Variants in EIPR1 observed in about 807,000 individuals in gnomAD.
EIPR1 encodes the protein EARP and GARP complex-interacting protein 1.
A neutral mutation model predicts 48.1 loss-of-function variants in EIPR1; 25 were observed. The ratio of observed to expected loss-of-function variants is 0.52; its 90% CI spans 0.38 to 0.73. The LOEUF (loss-of-function observed/expected upper bound fraction) is 0.73. Among genes scored for constraint, EIPR1 ranks in the 30% least tolerant of loss-of-function variants. EIPR1 has a pLI of 0.00. For missense variants in EIPR1, 415 were observed against 506.2 expected, an observed-to-expected ratio of 0.82 and a Z score of 1.73; for synonymous variants, 204 against 201.9, an observed-to-expected ratio of 1.01 and a Z score of -0.09.
At chr2:3,234,790 G>C (rs143188589) in intron 4 of EIPR1, among the ~76,000 whole-genome samples, 79 of 152,306 alleles carry the variant, frequency 5.2e-4, no homozygotes, top group African/African-American at 1.8e-3. Flanking sequence ...CTCCTACTTT[G>C]CACAAGAGAC....
chr2:3,283,712 G>A (rs1321948658), intron 3 of EIPR1, among the ~76,000 whole-genome samples: 1 of 152,192 alleles, frequency 6.6e-6, no homozygotes, highest in Non-Finnish European at 1.5e-5. Context: ...GGGAGGCCAA[G>A]GCAGGTGGAT....
chr2:3,233,537 G>T (rs539711673), intron 4 of EIPR1, among the ~76,000 whole-genome samples: 1 of 152,154 alleles, frequency 6.6e-6, no homozygotes, highest in African/African-American at 2.4e-5. Flanking sequence ...GATCCCAGCC[G>T]TAACTGTGAT....
chr2:3,342,592 C>A (rs897474693), intron 2 of EIPR1, among the ~76,000 whole-genome samples: 1 of 152,236 alleles, frequency 6.6e-6, no homozygotes, highest in Non-Finnish European at 1.5e-5. Context: ...CCACCTGGGC[C>A]CGCCTTTCTT....
intron 4 of EIPR1, among the ~76,000 whole-genome samples, chr2:3,233,969 T>A (rs1666321457): frequency 1.3e-5 from 2 of 152,226 alleles, no homozygotes; most frequent in South Asian, 4.1e-4. Context: ...CAGGTCAGGC[T>A]TCTGAGCTAC....
intron 3 of EIPR1, among the ~76,000 whole-genome samples, chr2:3,317,651 C>G (rs1669353239): frequency 6.6e-6 from 1 of 152,232 alleles, no homozygotes; most frequent in South Asian, 2.1e-4. Context: ...ATTCCCCCGC[C>G]TAATTCATAC....
intron 3 of EIPR1, among the ~76,000 whole-genome samples, chr2:3,277,578 G>GTGGGAA (rs1667892013): frequency 6.6e-6 from 1 of 152,188 alleles, no homozygotes; most frequent in Admixed American, 6.5e-5. Flanking sequence ...ACCCCAGGCC[G>GTGGGAA]TGGGAACTAC....
chr2:3,277,473 G>A (rs1026629801), intron 3 of EIPR1, among the ~76,000 whole-genome samples: 2 of 152,210 alleles, frequency 1.3e-5, no homozygotes, highest in African/African-American at 4.8e-5. Context: ...CCAGGTGATG[G>A]GTGGCAAGAC....
intron 3 of EIPR1, among the ~76,000 whole-genome samples, chr2:3,304,497 A>G (rs796691233): frequency 0.35 from 3,247 of 9,210 alleles, 1,333 homozygotes; most frequent in East Asian, 0.45. Context: ...CTCCAGTCCC[A>G]TCAGTTCAGC....
chr2:3,237,036 G>A (rs1008294504), intron 4 of EIPR1, among the ~76,000 whole-genome samples: 3 of 152,148 alleles, frequency 2.0e-5, no homozygotes, highest in African/African-American at 7.2e-5. Flanking sequence ...GGTGGCTGCA[G>A]CAGCCGCCAC....
intron 1 of EIPR1, among the ~76,000 whole-genome samples, chr2:3,360,042 G>A (rs767566295): frequency 2.6e-5 from 4 of 152,138 alleles, no homozygotes; most frequent in Admixed American, 6.5e-5. Flanking sequence ...GGCACATTTG[G>A]TAGAAGCTGG....
chr2:3,195,656 G>A (rs1222184102), intron 6 of EIPR1, among the ~76,000 whole-genome samples: 1 of 152,124 alleles, frequency 6.6e-6, no homozygotes, highest in Non-Finnish European at 1.5e-5. Context: ...GCACGTGCAC[G>A]ATGTATTAAC....
intron 3 of EIPR1, among the ~76,000 whole-genome samples, chr2:3,266,224 G>A (rs916964955): frequency 6.6e-6 from 1 of 152,208 alleles, no homozygotes. Context: ...GACATAATCT[G>A]ATCCCCAGCT....
At chr2:3,366,619 T>C (rs922347319) in intron 1 of EIPR1, among the ~76,000 whole-genome samples, 1 of 152,196 alleles carries the variant, frequency 6.6e-6, no homozygotes, top group African/African-American at 2.4e-5. Flanking sequence ...AAAATCCATG[T>C]GTTTAAAATG....
chr2:3,198,396 A>G (rs1490439421), intron 5 of EIPR1, among the ~76,000 whole-genome samples: 1 of 152,328 alleles, frequency 6.6e-6, no homozygotes, highest in Non-Finnish European at 1.5e-5. Context: ...AGAGACGCAG[A>G]CACTGCGCTC....
At chr2:3,284,578 T>A (rs889655512) in intron 3 of EIPR1, among the ~76,000 whole-genome samples, 2 of 152,280 alleles carry the variant, frequency 1.3e-5, no homozygotes, top group Admixed American at 6.5e-5. Flanking sequence ...CTCTATTATG[T>A]GCCTGCACTT....
intron 4 of EIPR1, among the ~76,000 whole-genome samples, chr2:3,222,496 A>G (rs748358288): frequency 3.3e-5 from 5 of 150,588 alleles, no homozygotes; most frequent in Non-Finnish European, 5.9e-5. Flanking sequence ...AAAGGCTTAA[A>G]GACTACAGGA....
chr2:3,319,901 GA>G (rs1418779648), intron 3 of EIPR1: 6,157 of 82,132 alleles, frequency 0.075, 831 homozygotes, highest in East Asian at 0.29. Context: ...CGCACCTGTG[GA>G]CAACACCGCA....
At chr2:3,268,377 C>A (rs1444749184) in intron 3 of EIPR1, among the ~76,000 whole-genome samples, 1 of 152,160 alleles carries the variant, frequency 6.6e-6, no homozygotes, top group Non-Finnish European at 1.5e-5. Context: ...AGAGGGCAGC[C>A]TCCTGCCAAT....
chr2:3,283,962 A>AG (rs1396892638), intron 3 of EIPR1, among the ~76,000 whole-genome samples: 9 of 142,624 alleles, frequency 6.3e-5, no homozygotes, highest in African/African-American at 1.3e-4. Flanking sequence ...AAAAAAAAAA[A>AG]AAAGAAAGAA....
Sources: allele counts gnomAD v4.1 joint callset (sites outside exome capture counted in the v4.1 genomes callset), GRCh38; gene constraint gnomAD v4.1.1; transcripts MANE v1.5; gene names NCBI Gene and HGNC (gene_info 2026-07-23, HGNC 2026-07-21).